PIKFYVE: variants seen among roughly 807,000 people sequenced by gnomAD.
The protein encoded by PIKFYVE is 1-phosphatidylinositol 3-phosphate 5-kinase.
Under a neutral mutation model 257.9 loss-of-function variants are expected in PIKFYVE, and 122 were observed. That is an observed-to-expected ratio of 0.47 (90% CI 0.41 to 0.55). The LOEUF (loss-of-function observed/expected upper bound fraction) is 0.55. Among genes scored for constraint, PIKFYVE ranks in the 20% least tolerant of loss-of-function variants. The pLI, the probability that PIKFYVE is intolerant of heterozygous loss-of-function variation, is 0.00. For missense variants in PIKFYVE, 2,160 were observed against 2,536.6 expected (o/e 0.85, Z 3.19); for synonymous variants, 892 against 868.9 (o/e 1.03, Z -0.47).
intron 5 of PIKFYVE, among the ~76,000 whole-genome samples, chr2:208,282,658 A>G (rs1690970359): frequency 6.6e-6 from 1 of 152,256 alleles, no homozygotes; most frequent in African/African-American, 2.4e-5. Context: ...AGCTGATTGT[A>G]AATATTAATC....
At chr2:208,298,577 C>G (rs773852678) in intron 7 of PIKFYVE, 64 bp from the exon 8 acceptor site, 101 of 1,571,764 alleles carry the variant, frequency 6.4e-5, no homozygotes, top group Non-Finnish European at 8.1e-5. Context: ...TGAATTTTCT[C>G]TGTAATTCTG....
chr2:208,310,998 T>C (rs533079174), intron 12 of PIKFYVE, among the ~76,000 whole-genome samples: 306 of 152,300 alleles, frequency 2.0e-3, no homozygotes, highest in Non-Finnish European at 3.6e-3. Context: ...GTCCTAGTGG[T>C]AAAGTGTCAT....
At chr2:208,275,820 A>C (rs1480276290) in intron 3 of PIKFYVE, among the ~76,000 whole-genome samples, 1 of 152,120 alleles carries the variant, frequency 6.6e-6, no homozygotes, top group African/African-American at 2.4e-5. Flanking sequence ...AGCTAATAGG[A>C]TGTTCATCCT....
At chr2:208,296,425 G>A (rs940481832) in intron 7 of PIKFYVE, among the ~76,000 whole-genome samples, 9 of 152,194 alleles carry the variant, frequency 5.9e-5, no homozygotes, top group African/African-American at 1.7e-4. Context: ...TGAGCAGTTG[G>A]AGGGGTGGAA....
chr2:208,298,374 T>C (rs895713568), intron 7 of PIKFYVE, among the ~76,000 whole-genome samples: 1 of 152,214 alleles, frequency 6.6e-6, no homozygotes, highest in African/African-American at 2.4e-5. Context: ...CTACTTTCTT[T>C]TAAACTTATT....
intron 32 of PIKFYVE, among the ~76,000 whole-genome samples, chr2:208,343,574 A>G (rs1698930162): frequency 6.6e-6 from 1 of 152,208 alleles, no homozygotes; most frequent in Non-Finnish European, 1.5e-5. Flanking sequence ...ACAGTTTTAT[A>G]ATAATATACT....
In PIKFYVE at chr2:208,336,119, C is replaced by T. The variant is rs776401212; in HGVS notation, c.4439C>T (p.Pro1480Leu). 1 of 1,614,040 alleles carries T rather than the reference C, an allele frequency of 6.2e-7. No individual in the cohort carries two copies. Among genetic ancestry groups the T allele is most frequent in the Non-Finnish European group, 8.5e-7 (1 of 1,179,950 alleles). Reference sequence around the variant, plus strand: ...CTCATGTCTTCCTCTGTAGATACCCCTCAGCAACTGCAGTCGGTCTTTGAG... The same window carrying T: ...CTCATGTCTTCCTCTGTAGATACCCTTCAGCAACTGCAGTCGGTCTTTGAG... ...ARLMSSSVDT[P>L]QQLQSVFESL... Residue 1480 changes from proline to leucine, a missense_variant, in exon 27 of 42, where the codon CCT becomes CTT. Pro to Leu is a moderately conservative substitution (Grantham distance 98). Transcript: ENST00000264380.
chr2:208,336,126 A>G lies in PIKFYVE; in HGVS notation c.4446A>G (p.Gln1482=), dbSNP rs759755242. The change falls in exon 27 of 42, where the codon CAA becomes CAG. Residue 1482 remains glutamine (Q), a synonymous_variant. Coordinates refer to ENST00000264380, the MANE Select transcript of PIKFYVE (RefSeq NM_015040.4). The part of the protein sequence containing the change: ...LMSSSVDTPQ[Q]LQSVFESLIA... ...CTTCCTCTGTAGATACCCCTCAGCA[A>G]CTGCAGTCGGTCTTTGAGTCACTCA... 3 of 1,614,050 alleles carry G rather than the reference A, an allele frequency of 1.9e-6. No individual in the cohort carries two copies. Among genetic ancestry groups the G allele is most frequent in the Non-Finnish European group, 2.5e-6 (3 of 1,179,958 alleles).
intron 12 of PIKFYVE, among the ~76,000 whole-genome samples, chr2:208,307,493 G>A (rs1275963793): frequency 6.6e-6 from 1 of 152,140 alleles, no homozygotes; most frequent in Non-Finnish European, 1.5e-5. Context: ...TTGGATCTGG[G>A]ATCATGGAGC....
rs776059354 is a variant in PIKFYVE, at chr2:208,350,095, ATAT to A, written c.5434+16_5434+18del. On this transcript the variant is annotated intron_variant, in intron 36 of 41. Transcript: ENST00000264380. ...TCATGTGGAACTTCGTAAGTATGAG[ATAT>A]TATATCATTGGTTTGGGGAGAGGGA... 83 of 1,612,378 alleles carry A rather than the reference ATAT, an allele frequency of 5.1e-5. 1 individual carries two copies. The highest frequency in any genetic ancestry group is 6.6e-5 in the Non-Finnish European group (78 of 1,178,930).
At chr2:208,343,983 A>AT (rs1215988404) in intron 32 of PIKFYVE, among the ~76,000 whole-genome samples, 6 of 151,392 alleles carry the variant, frequency 4.0e-5, no homozygotes, top group Admixed American at 2.6e-4. Context: ...TGCCCGGCTA[A>AT]TTTTTTTTGT....
rs574742760 is a variant in PIKFYVE, at chr2:208,346,089, A to G, written c.5151A>G (p.Arg1717=). ...GACCAAAGAGTAGCAGCCCTATCAGATTACCTGAAATGAGTGGAGGACAGA... is the reference window on the plus strand; with the variant it reads ...GACCAAAGAGTAGCAGCCCTATCAGGTTACCTGAAATGAGTGGAGGACAGA... ...DSRPKSSSPI[R]LPEMSGGQTN... is the part of the protein sequence containing the mutation. Residue 1717 remains arginine (R), a synonymous_variant, in exon 34 of 42, where the codon AGA becomes AGG. Coordinates refer to ENST00000264380, the MANE Select transcript of PIKFYVE (RefSeq NM_015040.4). 3 of 1,613,442 alleles carry G rather than the reference A, an allele frequency of 1.9e-6. No homozygotes were observed. The East Asian group carries it at 6.7e-5, about 36-fold the overall frequency.
At chr2:208,271,822 A>C in intron 2 of PIKFYVE, 131 bp downstream of exon 2, 2 of 861,832 alleles carry the variant, frequency 2.3e-6, no homozygotes, top group South Asian at 1.6e-5. Context: ...TCTGTAAGAA[A>C]GTGAAATATT....
intron 11 of PIKFYVE, among the ~76,000 whole-genome samples, chr2:208,304,631 T>C (rs1476343902): frequency 6.6e-6 from 1 of 152,236 alleles, no homozygotes; most frequent in African/African-American, 2.4e-5. Flanking sequence ...ACCTCCAATA[T>C]ATTTCTTCAT....
chr2:208,297,746 G>C (rs1485562843), intron 7 of PIKFYVE, among the ~76,000 whole-genome samples: 1 of 151,698 alleles, frequency 6.6e-6, no homozygotes, highest in African/African-American at 2.4e-5. Context: ...TATCCTTTAT[G>C]TGGAGGCTAA....
At chr2:208,268,547 A>T (rs765717930) in intron 1 of PIKFYVE, among the ~76,000 whole-genome samples, 2 of 146,290 alleles carry the variant, frequency 1.4e-5, no homozygotes, top group Non-Finnish European at 3.0e-5. Flanking sequence ...AAGTGCTGGG[A>T]TTACAGACAT....
At position 208,357,862 on chromosome 2, in the gene PIKFYVE, T is replaced by C. The variant is rs189241304; in HGVS notation, c.*2557T>C. The stretch of plus-strand genomic sequence containing the variant: ...CATACAACATGAGTCCCGAGAATAA[T>C]TGATAGTAGCAAGAGAAAACTATGT... On this transcript the variant is annotated 3_prime_UTR_variant, in exon 42 of 42. Coordinates refer to ENST00000264380, the MANE Select transcript of PIKFYVE (RefSeq NM_015040.4). 7.9e-4 allele frequency: 121 copies of C among 152,314 alleles called. No individual in the cohort carries two copies. The highest frequency in any genetic ancestry group is 2.7e-3 in the African/African-American group (112 of 41,568). The allele number at this position is 152,314 out of a possible 1,614,324, so 9.4% of individuals were successfully genotyped here.
chr2:208,270,712 A>G (rs576396731), intron 1 of PIKFYVE, among the ~76,000 whole-genome samples: 5 of 152,280 alleles, frequency 3.3e-5, no homozygotes, highest in South Asian at 4.1e-4. Flanking sequence ...TCTTAGAAAT[A>G]TAATGATTTT....
intron 41 of PIKFYVE, 99 bp from the exon 42 acceptor site, chr2:208,355,091 C>G: frequency 1.1e-6 from 1 of 926,278 alleles, no homozygotes; most frequent in Non-Finnish European, 1.7e-6. Context: ...GCATGTGTAT[C>G]TTTATGGCAG....
Sources: gnomAD v4.1 joint callset for allele counts (sites outside exome capture counted in the v4.1 genomes callset) on GRCh38, gnomAD v4.1.1 for gene constraint, MANE v1.5 for transcripts, NCBI Gene and HGNC (gene_info 2026-07-23, HGNC 2026-07-21) for gene names.